The following RBFOX1 variants were observed in gnomAD, a reference collection of about 807,000 sequenced individuals.
RBFOX1 encodes RNA binding protein fox-1 homolog 1.
RBFOX1 carries 8 observed loss-of-function variants against 57.7 expected under a neutral mutation model. The observed-to-expected ratio is 0.14, with a 90% CI of 0.08 to 0.25. The LOEUF (loss-of-function observed/expected upper bound fraction) is 0.25. Ranked by LOEUF, RBFOX1 falls within the 10% of genes least tolerant of loss-of-function variation. The pLI is 1.00. For missense variants in RBFOX1, 611 were observed against 548.5 expected (o/e 1.11, Z -1.14); for synonymous variants, 326 against 222.4 (o/e 1.47, Z -4.15).
At chr16:6,270,304 A>G (rs1243246040) in intron 1 of RBFOX1, among the ~76,000 whole-genome samples, 3 of 152,156 alleles carry the variant, frequency 2.0e-5, no homozygotes, top group Non-Finnish European at 4.4e-5. Context: ...GGATTAAAGT[A>G]TACAACCTAA....
chr16:6,739,370 T>G (rs535321749), intron 3 of RBFOX1, among the ~76,000 whole-genome samples: 1 of 152,088 alleles, frequency 6.6e-6, no homozygotes, highest in Admixed American at 6.6e-5. Context: ...TTTGAGAGCT[T>G]AAACCAATTC....
chr16:7,313,222 C>A (rs1025418293), intron 4 of RBFOX1, among the ~76,000 whole-genome samples: 2 of 152,124 alleles, frequency 1.3e-5, no homozygotes, highest in Admixed American at 6.5e-5. Context: ...TTCCCTCAAC[C>A]AAATAATCTG....
At chr16:6,814,002 C>T (rs553179015) in intron 3 of RBFOX1, among the ~76,000 whole-genome samples, 16 of 151,206 alleles carry the variant, frequency 1.1e-4, no homozygotes, top group African/African-American at 2.2e-4. Context: ...ATCTGAGGAC[C>T]GGTTCAGTGA....
At chr16:7,703,107 C>G (rs540388294) in intron 14 of RBFOX1, among the ~76,000 whole-genome samples, 3 of 144,398 alleles carry the variant, frequency 2.1e-5, no homozygotes, top group African/African-American at 4.9e-5. Context: ...TTTAGAACCA[C>G]TGAACCACAG....
intron 2 of RBFOX1, among the ~76,000 whole-genome samples, chr16:5,584,701 C>G (rs1178591647): frequency 6.6e-6 from 1 of 152,126 alleles, no homozygotes; most frequent in Non-Finnish European, 1.5e-5. Flanking sequence ...GTATTGTTAA[C>G]CAGTCCCCAC....
At chr16:6,303,163 C>T (rs1165111871) in intron 1 of RBFOX1, among the ~76,000 whole-genome samples, 1 of 152,138 alleles carries the variant, frequency 6.6e-6, no homozygotes, top group Non-Finnish European at 1.5e-5. Context: ...AGACCTTTCT[C>T]AGGTTGAAAT....
chr16:5,486,810 T>C (rs2042644145), intron 2 of RBFOX1, among the ~76,000 whole-genome samples: 1 of 152,032 alleles, frequency 6.6e-6, no homozygotes, highest in Admixed American at 6.5e-5. Flanking sequence ...TCTTTTAACT[T>C]AAATTTTTCT....
At chr16:6,058,405 C>G (rs2095641136) in intron 1 of RBFOX1, among the ~76,000 whole-genome samples, 3 of 151,990 alleles carry the variant, frequency 2.0e-5, no homozygotes, top group South Asian at 2.1e-4. Context: ...ACTTCTTGCA[C>G]TGGCCTAGAA....
intron 3 of RBFOX1, among the ~76,000 whole-genome samples, chr16:5,718,824 G>A (rs572890414): frequency 2.0e-5 from 3 of 152,070 alleles, no homozygotes; most frequent in Admixed American, 2.0e-4. Flanking sequence ...CAGGAGAATC[G>A]CTTGAACCTG....
At chr16:7,298,439 C>T (rs997915183) in intron 4 of RBFOX1, among the ~76,000 whole-genome samples, 7 of 152,090 alleles carry the variant, frequency 4.6e-5, no homozygotes, top group East Asian at 3.9e-4. Flanking sequence ...CAGATGCGTG[C>T]GACTATGCCT....
chr16:6,782,677 G>A (rs1237033731), intron 3 of RBFOX1, among the ~76,000 whole-genome samples: 2 of 152,112 alleles, frequency 1.3e-5, no homozygotes, highest in Admixed American at 1.3e-4. Flanking sequence ...TATTTTATGT[G>A]CCCATGAGAA....
chr16:7,539,867 C>G (rs1250170327), intron 5 of RBFOX1, among the ~76,000 whole-genome samples: 1 of 152,214 alleles, frequency 6.6e-6, no homozygotes, highest in Admixed American at 6.5e-5. Flanking sequence ...AAAAAGATAA[C>G]TCCGTCCCCA....
chr16:6,687,132 G>C (rs2059552784), intron 3 of RBFOX1, among the ~76,000 whole-genome samples: 1 of 152,072 alleles, frequency 6.6e-6, no homozygotes, highest in Non-Finnish European at 1.5e-5. Flanking sequence ...TTATTACTTG[G>C]GGCATCCATA....
In RBFOX1 at chr16:5,911,234, G is replaced by A. The variant is rs144561979; in HGVS notation, c.351+43899G>A. 2.7e-3 allele frequency among the ~76,000 whole-genome samples: 411 copies of A among 152,230 alleles called. 3 individuals carry two copies. The highest frequency in any genetic ancestry group is 4.4e-3 in the Non-Finnish European group (301 of 68,018). On this transcript the variant is annotated intron_variant, in intron 4 of 19. Coordinates refer to the RBFOX1 transcript ENST00000641259. ...CCCTGTTCTCTAGGGCCTCCCACTT[G>A]AGGTCCACTGTCTGTTTTTCACCCC...
At chr16:6,146,474 A>G (rs574138830) in intron 1 of RBFOX1, among the ~76,000 whole-genome samples, 2 of 152,234 alleles carry the variant, frequency 1.3e-5, no homozygotes, top group South Asian at 2.1e-4. Flanking sequence ...TGGCAGCCGT[A>G]GATGCTGGTA....
intron 3 of RBFOX1, among the ~76,000 whole-genome samples, chr16:6,736,649 A>C (rs187802129): frequency 1.9e-4 from 29 of 152,170 alleles, no homozygotes; most frequent in African/African-American, 7.0e-4. Context: ...TCAAATAATG[A>C]CATCTTTTCA....
At chr16:7,070,784 C>T (rs534095083) in intron 4 of RBFOX1, among the ~76,000 whole-genome samples, 11 of 152,112 alleles carry the variant, frequency 7.2e-5, no homozygotes, top group Non-Finnish European at 1.5e-4. Context: ...TTTAGCCATC[C>T]CCCTTCCCCT....
intron 3 of RBFOX1, among the ~76,000 whole-genome samples, chr16:6,826,494 T>C (rs1372785319): frequency 1.3e-5 from 2 of 152,138 alleles, no homozygotes; most frequent in African/African-American, 4.8e-5. Context: ...GAACAGTGCC[T>C]GGTATACAAT....
intron 1 of RBFOX1, among the ~76,000 whole-genome samples, chr16:6,247,037 T>G (rs1249999509): frequency 2.6e-5 from 4 of 152,104 alleles, no homozygotes; most frequent in Non-Finnish European, 4.4e-5. Context: ...ACCATTTTAC[T>G]CCAGCCTGGG....
Sources: allele counts gnomAD v4.1 joint callset (sites outside exome capture counted in the v4.1 genomes callset), GRCh38; gene constraint gnomAD v4.1.1; transcripts MANE v1.5; gene names NCBI Gene and HGNC (gene_info 2026-07-23, HGNC 2026-07-21).